PTTG2: variants seen among roughly 807,000 people sequenced by gnomAD.
PTTG2 encodes the protein pituitary tumor-transforming 2.
For missense variants in PTTG2, 218 were observed against 226.3 expected, an observed-to-expected ratio of 0.96 and a Z score of 0.23; for synonymous variants, 90 against 84.2, an observed-to-expected ratio of 1.07 and a Z score of -0.37.
In PTTG2 at chr4:37,960,584, C is replaced by T. The variant is rs141565302; in HGVS notation, c.150C>T (p.Tyr50=). Residue 50 remains tyrosine (Y), a synonymous_variant, in exon 1 of 1, where the codon TAC becomes TAT. Transcript: ENST00000504686. ...QVLTRRFGKT[Y]DAPSALPKAT... is the part of the protein sequence containing the mutation. ...TAACACGACGTTTTGGCAAAACATACGATGCTCCATCAGCCTTACCTAAAG... is the reference window on the plus strand; with the variant it reads ...TAACACGACGTTTTGGCAAAACATATGATGCTCCATCAGCCTTACCTAAAG... 2.8e-4 allele frequency: 444 copies of T among 1,614,124 alleles called. 1 individual carries two copies. The African/African-American group carries it at 4.3e-3, about 16-fold the overall frequency.
chr4:37,961,089 C>T lies in PTTG2; in HGVS notation c.*79C>T. The T allele has an allele frequency of 6.4e-7, 1 of 1,555,040 alleles. No individual in the cohort carries two copies. Among genetic ancestry groups the T allele is most frequent in the Non-Finnish European group, 8.9e-7 (1 of 1,129,362 alleles). On this transcript the variant is annotated 3_prime_UTR_variant, in exon 1 of 1. Coordinates refer to ENST00000504686, the MANE Select transcript of PTTG2 (RefSeq NM_006607.3). ...TTTGTGTGTACTTGTATTAATAAAGCATTATTTGTTTAACAACATAATAAA... is the reference window on the plus strand; with the variant it reads ...TTTGTGTGTACTTGTATTAATAAAGTATTATTTGTTTAACAACATAATAAA...
Position 37,961,057 on chromosome 4 carries a change from T to C in PTTG2, c.*47T>C. The stretch of plus-strand genomic sequence containing the variant: ...CATAGATATTTAAATTTCTTAGTGC[T>C]TTGGAGTTTGTGTGTACTTGTATTA... On this transcript the variant is annotated 3_prime_UTR_variant, in exon 1 of 1. Transcript: ENST00000504686. 6.2e-7 allele frequency: 1 copy of C among 1,603,286 alleles called. No individual in the cohort carries two copies. Among genetic ancestry groups the C allele is most frequent in the Non-Finnish European group, 8.5e-7 (1 of 1,170,198 alleles).
Position 37,960,585 on chromosome 4 carries a change from G to A in PTTG2, c.151G>A (p.Asp51Asn), listed in dbSNP as rs748044393. 9 of 1,613,992 alleles carry A rather than the reference G, an allele frequency of 5.6e-6. No individual in the cohort carries two copies. The highest frequency in any genetic ancestry group is 5.3e-5 in the African/African-American group (4 of 74,890). ...AACACGACGTTTTGGCAAAACATAC[G>A]ATGCTCCATCAGCCTTACCTAAAGC... ...VLTRRFGKTY[D>N]APSALPKATR... Residue 51 changes from aspartate (D) to asparagine (N), a missense_variant, in exon 1 of 1, where the codon GAT becomes AAT. Coordinates refer to ENST00000504686, the MANE Select transcript of PTTG2 (RefSeq NM_006607.3).
In PTTG2 at chr4:37,960,814, G is replaced by A. The variant is rs1729875749; in HGVS notation, c.380G>A (p.Ser127Asn). The change falls in exon 1 of 1, where the codon AGT becomes AAT. Residue 127 changes from serine (S) to asparagine (N), a missense_variant. Transcript: ENST00000504686. Reference protein sequence around the residue: ...FFPFNLLDFESFDLPEERQIA... With the variant: ...FFPFNLLDFENFDLPEERQIA... ...CCCTTCAATCTTCTAGACTTTGAGA[G>A]TTTTGACCTGCCTGAAGAGCGCCAG... 1 of 1,614,044 alleles carries A rather than the reference G, an allele frequency of 6.2e-7. No individual in the cohort carries two copies. Among genetic ancestry groups the A allele is most frequent in the African/African-American group, 1.3e-5 (1 of 74,924 alleles).
At position 37,960,732 on chromosome 4, in the gene PTTG2, A is replaced by G. The variant is rs370586935; in HGVS notation, c.298A>G (p.Thr100Ala). 224 of 1,614,064 alleles carry G rather than the reference A, an allele frequency of 1.4e-4. No individual in the cohort carries two copies. The African/African-American group carries it at 1.5e-3, about 11-fold the overall frequency. Residue 100 changes from threonine to alanine, a missense_variant, in exon 1 of 1, where the codon ACA (threonine) becomes GCA (alanine). By Grantham distance (58) the Thr-to-Ala change is moderately conservative. Transcript: ENST00000504686. ...AAAGATGACCGAGAAGACTGTTAAAACAAAAAGTTCTGTTCCTGCCTCAGA... is the reference window on the plus strand; with the variant it reads ...AAAGATGACCGAGAAGACTGTTAAAGCAAAAAGTTCTGTTCCTGCCTCAGA... ...AKKMTEKTVK[T>A]KSSVPASDDA...
rs199908908 is a variant in PTTG2, at chr4:37,960,988, A to C, written c.554A>C (p.His185Pro). 2.5e-6 allele frequency: 4 copies of C among 1,578,460 alleles called. No homozygotes were observed. The Admixed American group carries it at 6.8e-5, about 27-fold the overall frequency. ...ECNLFAVSFK[H>P]SVDPGC is the part of the protein sequence containing the mutation. ...AATCTGTTTGCAGTCTCCTTCAAGC[A>C]TTCTGTCGACCCTGGATGTTGAATT... is the stretch of plus-strand genomic sequence containing the variant. Residue 185 changes from histidine to proline, a missense_variant, in exon 1 of 1, where the codon CAT (histidine) becomes CCT (proline). Transcript: ENST00000504686.
rs770191654 is a variant in PTTG2 at position 37,961,044 on chromosome 4, A to C, written c.*34A>C. 20 of 1,610,476 alleles carry C rather than the reference A, an allele frequency of 1.2e-5. No individual in the cohort carries two copies. Among genetic ancestry groups the C allele is most frequent in the Non-Finnish European group, 1.4e-5 (17 of 1,176,814 alleles). ...CTGTTTGCTATGACATAGATATTTA[A>C]ATTTCTTAGTGCTTTGGAGTTTGTG... On this transcript the variant is annotated 3_prime_UTR_variant, in exon 1 of 1. Transcript: ENST00000504686.
chr4:37,960,644 T>G lies in PTTG2; in HGVS notation c.210T>G (p.Ala70=), dbSNP rs541722377. 2.5e-6 allele frequency: 4 copies of G among 1,614,160 alleles called. No individual in the cohort carries two copies. In the Admixed American group the frequency reaches 5.0e-5, roughly 20 times the overall value. ...TRKALGTVNR[A]TEKSVKTNGP... ...AGGCTTTGGGCACTGTCAACAGAGC[T>G]ACAGAAAAGTCAGTAAAGACCAATG... Residue 70 remains alanine (A), a synonymous_variant, in exon 1 of 1, where the codon GCT becomes GCG. Coordinates refer to ENST00000504686, the MANE Select transcript of PTTG2 (RefSeq NM_006607.3).
At position 37,960,602 on chromosome 4, in the gene PTTG2, A is replaced by G. The variant is rs777108106; in HGVS notation, c.168A>G (p.Leu56=). Residue 56 remains leucine, a synonymous_variant, in exon 1 of 1, where the codon TTA becomes TTG. Transcript: ENST00000504686. ...AAACATACGATGCTCCATCAGCCTT[A>G]CCTAAAGCTACCAGAAAGGCTTTGG... ...FGKTYDAPSA[L]PKATRKALGT... is the part of the protein sequence containing the mutation. 1 of 1,614,226 alleles carries G rather than the reference A, an allele frequency of 6.2e-7. No individual in the cohort carries two copies. Among genetic ancestry groups the G allele is most frequent in the Non-Finnish European group, 8.5e-7 (1 of 1,180,054 alleles).
chr4:37,960,764 C>G lies in PTTG2; in HGVS notation c.330C>G (p.Ala110=). The G allele has an allele frequency of 6.2e-7, 1 of 1,614,124 alleles. No homozygotes were observed. The highest frequency in any genetic ancestry group is 8.5e-7 in the Non-Finnish European group (1 of 1,180,006). The change falls in exon 1 of 1, where the codon GCC becomes GCG. Residue 110 remains alanine, a synonymous_variant. Coordinates refer to ENST00000504686, the MANE Select transcript of PTTG2 (RefSeq NM_006607.3). The part of the protein sequence containing the change: ...TKSSVPASDD[A]YPEIEKFFPF... ...GTTCTGTTCCTGCCTCAGATGACGC[C>G]TATCCAGAAATAGAAAAATTCTTTC...
rs1490487548 is a variant in PTTG2 at position 37,960,664 on chromosome 4, C to A, written c.230C>A (p.Thr77Asn). ...VNRATEKSVK[T>N]NGPRKQKQPS... ...AGAGCTACAGAAAAGTCAGTAAAGA[C>A]CAATGGACCCAGAAAACAAAAACAG... The change falls in exon 1 of 1, where the codon ACC becomes AAC. Residue 77 changes from threonine (T) to asparagine (N), a missense_variant. By Grantham distance (65) the Thr-to-Asn change is moderately conservative. Transcript: ENST00000504686. 3 of 1,614,144 alleles carry A rather than the reference C, an allele frequency of 1.9e-6. No individual in the cohort carries two copies. The South Asian group carries it at 3.3e-5, about 18-fold the overall frequency.
In PTTG2 at chr4:37,960,407, T is replaced by G; in HGVS notation, c.-28T>G. On this transcript the variant is annotated 5_prime_UTR_variant, in exon 1 of 1. Coordinates refer to ENST00000504686, the MANE Select transcript of PTTG2 (RefSeq NM_006607.3). ...GTGGGACCACGGTCTTAGATGAATG[T>G]GGCTGTTGAGAGCGGCAATAATCCA... 1 of 1,576,214 alleles carries G rather than the reference T, an allele frequency of 6.3e-7. No individual in the cohort carries two copies. Among genetic ancestry groups the G allele is most frequent in the Non-Finnish European group, 8.6e-7 (1 of 1,156,390 alleles).
rs539492940 is a variant in PTTG2, at chr4:37,960,505, T to C, written c.71T>C (p.Leu24Pro). 6.8e-6 allele frequency: 11 copies of C among 1,614,162 alleles called. No individual in the cohort carries two copies. The South Asian group carries it at 1.1e-4, about 16-fold the overall frequency. Reference protein sequence around the residue: ...PGTRVAAKDVLKLESRPSIKA... With the variant: ...PGTRVAAKDVPKLESRPSIKA... ...ACCCGTGTGGCTGCCAAGGATGTGC[T>C]GAAGCTGGAGTCTAGACCTTCAATC... The change falls in exon 1 of 1, where the codon CTG (leucine) becomes CCG (proline). Residue 24 changes from leucine to proline, a missense_variant. By Grantham distance (98) the Leu-to-Pro change is moderately conservative. Transcript: ENST00000504686.
In PTTG2 at chr4:37,960,533, A is replaced by T; in HGVS notation, c.99A>T (p.Lys33Asn). 1 of 1,614,174 alleles carries T rather than the reference A, an allele frequency of 6.2e-7. No homozygotes were observed. The highest frequency in any genetic ancestry group is 8.5e-7 in the Non-Finnish European group (1 of 1,180,016). ...VLKLESRPSI[K>N]ALDGISQVLT... Reference sequence around the variant, plus strand: ...AGCTGGAGTCTAGACCTTCAATCAAAGCATTAGATGGGATATCTCAAGTTT... The same window carrying T: ...AGCTGGAGTCTAGACCTTCAATCAATGCATTAGATGGGATATCTCAAGTTT... The change falls in exon 1 of 1, where the codon AAA becomes AAT. Residue 33 changes from lysine (K) to asparagine (N), a missense_variant. Transcript: ENST00000504686.
Position 37,961,087 on chromosome 4 carries a change from A to C in PTTG2, c.*77A>C. 2 of 1,561,850 alleles carry C rather than the reference A, an allele frequency of 1.3e-6. No homozygotes were observed. The highest frequency in any genetic ancestry group is 1.8e-6 in the Non-Finnish European group (2 of 1,134,874). ...AGTTTGTGTGTACTTGTATTAATAA[A>C]GCATTATTTGTTTAACAACATAATA... On this transcript the variant is annotated 3_prime_UTR_variant, in exon 1 of 1. Coordinates refer to ENST00000504686, the MANE Select transcript of PTTG2 (RefSeq NM_006607.3).
At position 37,960,427 on chromosome 4, in the gene PTTG2, A is replaced by G. The variant is rs761174645; in HGVS notation, c.-8A>G. 1 of 1,606,238 alleles carries G rather than the reference A, an allele frequency of 6.2e-7. No homozygotes were observed. The highest frequency in any genetic ancestry group is 1.7e-5 in the Admixed American group (1 of 58,372). On this transcript the variant is annotated 5_prime_UTR_variant, in exon 1 of 1. In the 5' UTR this introduces an upstream ATG that the reference lacks. Transcript: ENST00000504686. The stretch of plus-strand genomic sequence containing the variant: ...GAATGTGGCTGTTGAGAGCGGCAAT[A>G]ATCCAGAATGGCTACTCTGATCTAC...
In PTTG2 at chr4:37,960,858, A is replaced by C; in HGVS notation, c.424A>C (p.Ser142Arg). 1 of 1,614,158 alleles carries C rather than the reference A, an allele frequency of 6.2e-7. No individual in the cohort carries two copies. Among genetic ancestry groups the C allele is most frequent in the Non-Finnish European group, 8.5e-7 (1 of 1,180,020 alleles). The change falls in exon 1 of 1, where the codon AGT (serine) becomes CGT (arginine). Residue 142 changes from serine to arginine, a missense_variant. Transcript: ENST00000504686. ...GCGCCAGATTGCACACCTCCCCTTGAGTGGAGTGCCTCTCATGATCCTTGA... is the reference window on the plus strand; with the variant it reads ...GCGCCAGATTGCACACCTCCCCTTGCGTGGAGTGCCTCTCATGATCCTTGA... ...EERQIAHLPL[S>R]GVPLMILDEE...
chr4:37,960,722 G>C lies in PTTG2; in HGVS notation c.288G>C (p.Lys96Asn). The change falls in exon 1 of 1, where the codon AAG becomes AAC. Residue 96 changes from lysine to asparagine, a missense_variant. Transcript: ENST00000504686. ...TTTCTGCCAAAAAGATGACCGAGAA[G>C]ACTGTTAAAACAAAAAGTTCTGTTC... ...PSFSAKKMTE[K>N]TVKTKSSVPA... The C allele has an allele frequency of 6.2e-7, 1 of 1,614,156 alleles. No homozygotes were observed. Among genetic ancestry groups the C allele is most frequent in the Non-Finnish European group, 8.5e-7 (1 of 1,180,032 alleles).
chr4:37,960,458 T>C lies in PTTG2; in HGVS notation c.24T>C (p.Asp8=). 6.2e-7 allele frequency: 1 copy of C among 1,613,820 alleles called. No homozygotes were observed. The highest frequency in any genetic ancestry group is 8.5e-7 in the Non-Finnish European group (1 of 1,179,854). ...GAATGGCTACTCTGATCTACGTTGA[T>C]AAGGAAATTGGAGAACCAGGCACCC... The part of the protein sequence containing the change: MATLIYV[D]KEIGEPGTRV... The change falls in exon 1 of 1, where the codon GAT becomes GAC. Residue 8 remains aspartate (D), a synonymous_variant. Transcript: ENST00000504686.
Sources: allele counts gnomAD v4.1 joint callset, GRCh38; gene constraint gnomAD v4.1.1; transcripts MANE v1.5; gene names NCBI Gene and HGNC (gene_info 2026-07-23, HGNC 2026-07-21).